The following HPSE2 variants were observed in gnomAD, a reference collection of about 807,000 sequenced individuals.
HPSE2 encodes heparanase 2 (inactive).
In HPSE2, 38 loss-of-function variants were observed where a neutral mutation model predicts 60.5. The observed-to-expected ratio is 0.63, with a 90% CI of 0.48 to 0.82. The LOEUF is 0.82. HPSE2 is among the 40% of genes least tolerant of loss of function. The pLI is 0.00. For missense variants in HPSE2, 713 were observed against 740.4 expected (o/e 0.96, Z 0.43); for synonymous variants, 295 against 293.2 (o/e 1.01, Z -0.06).
intron 3 of HPSE2, among the ~76,000 whole-genome samples, chr10:98,899,476 A>C (rs1953598087): frequency 6.6e-6 from 1 of 152,182 alleles, no homozygotes; most frequent in Non-Finnish European, 1.5e-5. Flanking sequence ...ATATGAAAAC[A>C]AACAGCCAAA....
intron 9 of HPSE2, among the ~76,000 whole-genome samples, chr10:98,523,544 A>G (rs565190217): frequency 1.9e-4 from 29 of 152,362 alleles, no homozygotes; most frequent in African/African-American, 7.0e-4. Flanking sequence ...TAAAGACATT[A>G]CTATAAATTT....
intron 3 of HPSE2, among the ~76,000 whole-genome samples, chr10:98,832,374 T>C (rs1565196102): frequency 6.6e-6 from 1 of 152,168 alleles, no homozygotes. Flanking sequence ...CTCTTGTCAT[T>C]AAAATGCTTG....
intron 3 of HPSE2, among the ~76,000 whole-genome samples, chr10:98,940,394 A>G (rs1320561282): frequency 7.0e-6 from 1 of 143,370 alleles, no homozygotes; most frequent in Admixed American, 6.9e-5. Context: ...AAAATGATAA[A>G]GGGGATATCA....
chr10:98,934,751 T>C (rs1954743274), intron 3 of HPSE2, among the ~76,000 whole-genome samples: 1 of 143,730 alleles, frequency 7.0e-6, no homozygotes, highest in Non-Finnish European at 1.5e-5. Context: ...GATGATTATG[T>C]GCCTTGGGGC....
chr10:98,800,598 T>TA (rs1171791113), intron 3 of HPSE2, among the ~76,000 whole-genome samples: 1 of 151,672 alleles, frequency 6.6e-6, no homozygotes, highest in Non-Finnish European at 1.5e-5. Context: ...CATGAGGAAC[T>TA]ATATGCCAGT....
chr10:98,798,015 A>T (rs1950820096), intron 3 of HPSE2, among the ~76,000 whole-genome samples: 1 of 152,162 alleles, frequency 6.6e-6, no homozygotes, highest in Non-Finnish European at 1.5e-5. Flanking sequence ...GACTAACTCA[A>T]GGTATTCAAT....
At chr10:99,122,453 ATAAGCTACTAGAAT>A (rs949875208) in intron 3 of HPSE2, among the ~76,000 whole-genome samples, 23 of 152,146 alleles carry the variant, frequency 1.5e-4, no homozygotes, top group African/African-American at 5.5e-4. Flanking sequence ...CACTCTATGA[ATAAGCTACTAGAAT>A]TAAGAAAATT....
At chr10:99,100,265 T>G (rs560146431) in intron 3 of HPSE2, among the ~76,000 whole-genome samples, 5 of 152,188 alleles carry the variant, frequency 3.3e-5, no homozygotes, top group African/African-American at 1.2e-4. Context: ...ATGAATGGCT[T>G]ACTAGAATAA....
At chr10:99,213,188 T>A (rs536121977) in intron 2 of HPSE2, among the ~76,000 whole-genome samples, 10 of 152,038 alleles carry the variant, frequency 6.6e-5, no homozygotes, top group African/African-American at 2.4e-4. Context: ...AGAATGAAAT[T>A]TTTTTTCTAC....
intron 2 of HPSE2, among the ~76,000 whole-genome samples, chr10:99,170,700 T>C (rs996412208): frequency 6.6e-6 from 1 of 152,204 alleles, no homozygotes; most frequent in Non-Finnish European, 1.5e-5. Context: ...TTTCATTTCT[T>C]TCACCTGCAA....
intron 9 of HPSE2, among the ~76,000 whole-genome samples, chr10:98,537,421 A>C (rs1409461995): frequency 6.6e-6 from 1 of 152,256 alleles, no homozygotes; most frequent in Non-Finnish European, 1.5e-5. Flanking sequence ...GAAAATAGTT[A>C]GAATAAGAAT....
At position 98,934,014 on chromosome 10, in the gene HPSE2, G is replaced by A. The variant is rs1298879728; in HGVS notation, c.611-189958C>T. ...CCCAAAGTGCTGAGATTACAGGCTT[G>A]AGCCAGTGAGCCTGGCACCTTCTTC... On this transcript the variant is annotated intron_variant, in intron 3 of 11. Transcript: ENST00000370552. 2.8e-5 allele frequency among the ~76,000 whole-genome samples: 4 copies of A among 143,824 alleles called. 1 individual carries two copies. Among genetic ancestry groups the A allele is most frequent in the Admixed American group, 6.9e-5 (1 of 14,472 alleles). 94.4% of individuals were successfully genotyped at this position (143,824 alleles called of 152,430 possible).
At chr10:98,760,020 CT>C in intron 3 of HPSE2, among the ~76,000 whole-genome samples, 1 of 151,586 alleles carries the variant, frequency 6.6e-6, no homozygotes, top group African/African-American at 2.4e-5. Context: ...TAATTTTATT[CT>C]TAAGTATTTT....
chr10:99,187,362 G>C (rs1346287891), intron 2 of HPSE2, among the ~76,000 whole-genome samples: 13 of 151,918 alleles, frequency 8.6e-5, no homozygotes, highest in Non-Finnish European at 1.5e-5. Context: ...ATAAACTCTA[G>C]GACATAAAAA....
chr10:99,196,588 A>G (rs1186100575), intron 2 of HPSE2, among the ~76,000 whole-genome samples: 1 of 152,190 alleles, frequency 6.6e-6, no homozygotes, highest in Non-Finnish European at 1.5e-5. Flanking sequence ...AGACATACAA[A>G]TAGCAAACAG....
intron 9 of HPSE2, among the ~76,000 whole-genome samples, chr10:98,541,741 T>A (rs1291579068): frequency 1.3e-5 from 2 of 152,058 alleles, no homozygotes; most frequent in African/African-American, 2.4e-5. Flanking sequence ...GAGATCAAAC[T>A]GCAAGGTGGC....
chr10:99,119,213 A>G (rs1393264608), intron 3 of HPSE2, among the ~76,000 whole-genome samples: 4 of 152,168 alleles, frequency 2.6e-5, no homozygotes, highest in African/African-American at 7.2e-5. Flanking sequence ...AGTCTCATCT[A>G]AAAGCTCCTT....
chr10:99,201,640 A>T (rs1848578348), intron 2 of HPSE2, among the ~76,000 whole-genome samples: 1 of 152,200 alleles, frequency 6.6e-6, no homozygotes, highest in African/African-American at 2.4e-5. Context: ...GCCCAATGAC[A>T]CATTATTATT....
intron 3 of HPSE2, among the ~76,000 whole-genome samples, chr10:98,995,095 G>A (rs566640132): frequency 1.3e-4 from 20 of 152,126 alleles, no homozygotes; most frequent in Admixed American, 3.9e-4. Flanking sequence ...AAGGTGCTTC[G>A]AACCCTCTCC....
Sources: allele counts gnomAD v4.1 joint callset (sites outside exome capture counted in the v4.1 genomes callset), GRCh38; gene constraint gnomAD v4.1.1; transcripts MANE v1.5; gene names NCBI Gene and HGNC (gene_info 2026-07-23, HGNC 2026-07-21).